The following SLC25A23 variants were observed in gnomAD, a reference collection of about 807,000 sequenced individuals.
SLC25A23 encodes the protein mitochondrial adenyl nucleotide antiporter SLC25A23.
A neutral mutation model predicts 53.9 loss-of-function variants in SLC25A23; 32 were observed. That is an observed-to-expected ratio of 0.59 (90% confidence interval 0.45 to 0.80). SLC25A23 has a LOEUF of 0.80. Ranked by LOEUF, SLC25A23 falls within the 30% of genes least tolerant of loss-of-function variation. The pLI is 0.00. For missense variants in SLC25A23, 575 were observed against 651.4 expected (o/e 0.88, Z 1.28); for synonymous variants, 275 against 264.5 (o/e 1.04, Z -0.38).
chr19:6,456,564 G>T (rs1301717716), intron 3 of SLC25A23, 33 bp from the exon 4 acceptor site: 1 of 1,580,542 alleles, frequency 6.3e-7, no homozygotes. Flanking sequence ...AGGAGGACAG[G>T]TTCAGTGCCT....
intron 9 of SLC25A23, among the ~76,000 whole-genome samples, chr19:6,442,715 A>T (rs1387466299): frequency 6.6e-6 from 1 of 151,880 alleles, no homozygotes; most frequent in Non-Finnish European, 1.5e-5. Flanking sequence ...TGCCCGGCTA[A>T]TTTTTTTGTA....
At chr19:6,451,119 G>T (rs1459214950) in intron 8 of SLC25A23, among the ~76,000 whole-genome samples, 1 of 148,658 alleles carries the variant, frequency 6.7e-6, no homozygotes, top group East Asian at 2.0e-4. Context: ...GCCTGGCATG[G>T]TAGTTCACAC....
chr19:6,453,934 G>T lies in SLC25A23; in HGVS notation c.903+47C>A, dbSNP rs1320887476. The T allele has an allele frequency of 2.0e-6, 3 of 1,489,708 alleles. No individual in the cohort carries two copies. The East Asian group carries it at 6.8e-5, about 34-fold the overall frequency. The allele number at this position is 1,489,708 out of a possible 1,614,324, so 92.3% of individuals were successfully genotyped here. On this transcript the variant is annotated intron_variant, in intron 7 of 9. Coordinates refer to ENST00000301454, the MANE Select transcript of SLC25A23 (RefSeq NM_024103.3). ...ATGCAGAGTGAGATGGGTACAGCAG[G>T]CCCCCCACCCTGCCATGGGGCCTCC...
intron 7 of SLC25A23, among the ~76,000 whole-genome samples, chr19:6,453,487 G>A (rs1447001227): frequency 6.6e-6 from 1 of 152,046 alleles, no homozygotes; most frequent in African/African-American, 2.4e-5. Flanking sequence ...TGATCCACCT[G>A]CCTCGGCCTC....
intron 8 of SLC25A23, among the ~76,000 whole-genome samples, chr19:6,451,910 T>C (rs942485397): frequency 6.8e-6 from 1 of 147,402 alleles, no homozygotes; most frequent in African/African-American, 2.6e-5. Flanking sequence ...CAGGCTGGAG[T>C]GCAGTAGCGG....
Position 6,454,440 on chromosome 19 carries a change from A to T in SLC25A23, c.678T>A (p.Leu226=), listed in dbSNP as rs752929163. ...CAAGGACCATGCTTCGAAGCCCCCC[A>T]AGGATGTTCAGCCGGTTGGTCTTTG... ...HASKTNRLNI[L]GGLRSMVLEG... The change falls in exon 6 of 10, where the codon CTT becomes CTA. Residue 226 remains leucine, a synonymous_variant. Coordinates refer to ENST00000301454, the MANE Select transcript of SLC25A23 (RefSeq NM_024103.3). The surrounding 1 kb of genome is among the most constrained non-coding windows in gnomAD (Gnocchi z 4.3). 3.3e-5 allele frequency: 54 copies of T among 1,614,024 alleles called. 3 individuals are homozygous for T. In the South Asian group the frequency reaches 5.9e-4, roughly 18 times the overall value.
downstream of SLC25A23, chr19:6,436,146 TG>T (rs1372238650): frequency 2.4e-5 from 5 of 212,588 alleles, no homozygotes. Flanking sequence ...CGCCAAAGGT[TG>T]GCAGCTTAAC....
chr19:6,454,691 T>G lies in SLC25A23; in HGVS notation c.510A>C (p.Thr170=). ...STVLDIGECL[T]VPDEFSKQEK... is the part of the protein sequence containing the mutation. ...CTTGCTTTGAGAACTCGTCCGGCAC[T>G]GTCAGGCACTCGCCAATGTCCAGGA... The change falls in exon 5 of 10, where the codon ACA becomes ACC. Residue 170 remains threonine (T), a synonymous_variant. Coordinates refer to ENST00000301454, the MANE Select transcript of SLC25A23 (RefSeq NM_024103.3). This position sits in a 1 kb window ranked among gnomAD's most constrained non-coding sequence, Gnocchi z 4.3. The G allele has an allele frequency of 6.2e-7, 1 of 1,614,052 alleles. No homozygotes were observed.
chr19:6,444,471 T>C (rs2092474518), intron 8 of SLC25A23, among the ~76,000 whole-genome samples, 170 bp from the exon 9 acceptor site: 1 of 152,130 alleles, frequency 6.6e-6, no homozygotes, highest in African/African-American at 2.4e-5. Flanking sequence ...CCAGTCCTCA[T>C]CTGGACCCTC....
chr19:6,439,351 T>C (rs888146610), downstream of SLC25A23, among the ~76,000 whole-genome samples: 2 of 150,778 alleles, frequency 1.3e-5, no homozygotes, highest in Non-Finnish European at 2.9e-5. Flanking sequence ...ATTGTACCAC[T>C]ACCCTCTAAC....
At chr19:6,447,693 C>A (rs1488102934) in intron 8 of SLC25A23, among the ~76,000 whole-genome samples, 1 of 151,544 alleles carries the variant, frequency 6.6e-6, no homozygotes, top group African/African-American at 2.4e-5. Context: ...TTTTTTGAGA[C>A]GGAGTCTCGT....
rs1320781320 is a variant in SLC25A23, at chr19:6,459,033, C to T, written c.156+440G>A. Reference sequence around the variant, plus strand: ...GACAGTGAGCCAGGCCCGTGAACGGCCCATGAAAGGGCAGGCCAGGGAATG... The same window carrying T: ...GACAGTGAGCCAGGCCCGTGAACGGTCCATGAAAGGGCAGGCCAGGGAATG... On this transcript the variant is annotated intron_variant, in intron 1 of 9. Transcript: ENST00000301454. The surrounding 1 kb of genome is among the most constrained non-coding windows in gnomAD (Gnocchi z 4.6). Among the ~76,000 whole-genome samples the T allele has an allele frequency of 6.6e-6, 1 of 152,210 alleles. No homozygotes were observed. Among genetic ancestry groups the T allele is most frequent in the African/African-American group, 2.4e-5 (1 of 41,450 alleles).
At chr19:6,451,575 T>C (rs765104921) in intron 8 of SLC25A23, among the ~76,000 whole-genome samples, 50 of 152,172 alleles carry the variant, frequency 3.3e-4, no homozygotes, top group Admixed American at 2.8e-3. Flanking sequence ...ACCATGCTAA[T>C]TGGGGGAGAC....
rs2092737902 is a variant in SLC25A23, at chr19:6,459,792, C to A, written c.-164G>T. On this transcript the variant is annotated 5_prime_UTR_variant, in exon 1 of 10. Transcript: ENST00000301454. This position sits in a 1 kb window ranked among gnomAD's most constrained non-coding sequence, Gnocchi z 4.6. ...CTCTGGCACTTGCGGGAGGTGGTGA[C>A]GGCTAGCCGTCGCCGCCCGCGCCAG... 5.9e-6 allele frequency: 3 copies of A among 506,100 alleles called. No homozygotes were observed. Among genetic ancestry groups the A allele is most frequent in the East Asian group, 4.5e-5 (1 of 22,064 alleles). 31.4% of individuals were successfully genotyped at this position (506,100 alleles called of 1,614,324 possible).
At chr19:6,446,461 C>T (rs1368369219) in intron 8 of SLC25A23, among the ~76,000 whole-genome samples, 1 of 152,224 alleles carries the variant, frequency 6.6e-6, no homozygotes, top group Non-Finnish European at 1.5e-5. Context: ...CAATTCAGAC[C>T]TGCTGACTTC....
intron 3 of SLC25A23, 146 bp downstream of exon 3, chr19:6,457,357 G>A (rs1195067632): frequency 7.2e-6 from 5 of 695,568 alleles, no homozygotes; most frequent in South Asian, 5.4e-5. Context: ...GTGAGCCACT[G>A]CGCCTGGCCA....
intron 7 of SLC25A23, 46 bp downstream of exon 7, chr19:6,453,935 C>G (rs762792307): frequency 1.7e-5 from 26 of 1,490,458 alleles, no homozygotes; most frequent in Non-Finnish European, 2.2e-5. Flanking sequence ...GTACAGCAGG[C>G]CCCCCACCCT....
At chr19:6,442,842 C>T (rs554089034) in intron 9 of SLC25A23, among the ~76,000 whole-genome samples, 1 of 151,942 alleles carries the variant, frequency 6.6e-6, no homozygotes, top group Non-Finnish European at 1.5e-5. Context: ...TGAACCACCA[C>T]ACCCGGCCCT....
At chr19:6,439,228 A>G (rs1192472227), downstream of SLC25A23, among the ~76,000 whole-genome samples, 1 of 151,946 alleles carries the variant, frequency 6.6e-6, no homozygotes, top group East Asian at 1.9e-4. Flanking sequence ...TCAAAAATAA[A>G]TTAGCTGGAC....
Sources: allele counts gnomAD v4.1 joint callset (sites outside exome capture counted in the v4.1 genomes callset), GRCh38; gene constraint gnomAD v4.1.1; non-coding constraint Gnocchi (gnomAD v3.1); transcripts MANE v1.5; gene names NCBI Gene and HGNC (gene_info 2026-07-23, HGNC 2026-07-21).